The following ERFL variants were observed in gnomAD, a reference collection of about 807,000 sequenced individuals.
The protein encoded by ERFL is ETS repressor factor like, also known as ETS domain-containing transcription factor ERF-like.
A neutral mutation model predicts 27.9 loss-of-function variants in ERFL; 8 were observed. The observed-to-expected ratio is 0.29, with a 90% CI of 0.17 to 0.52. The LOEUF (loss-of-function observed/expected upper bound fraction) is 0.52. Among genes scored for constraint, ERFL ranks in the 20% least tolerant of loss-of-function variants. The pLI is 0.97. For synonymous variants in ERFL, 174 were observed against 202.8 expected (o/e 0.86, Z 1.21); for missense variants, 294 against 444.4 (o/e 0.66, Z 3.04).
intron 1 of ERFL, chr19:41,922,998 A>C: frequency 2.7e-6 from 1 of 375,736 alleles, no homozygotes; most frequent in Admixed American, 3.3e-5. Context: ...AGGGAATGTG[A>C]GGGGCAGCCT....
intron 1 of ERFL, among the ~76,000 whole-genome samples, chr19:41,919,798 C>T (rs1457216988): frequency 6.7e-6 from 1 of 149,314 alleles, no homozygotes; most frequent in African/African-American, 2.6e-5. Context: ...AGATAACTGC[C>T]CCAGGTCCCT....
intron 1 of ERFL, among the ~76,000 whole-genome samples, chr19:41,915,258 C>A (rs2074793885): frequency 6.7e-6 from 1 of 150,334 alleles, no homozygotes; most frequent in African/African-American, 2.5e-5. Flanking sequence ...GCGCTCCGGG[C>A]CCTGCTCCCA....
At position 41,916,207 on chromosome 19, in the gene ERFL, C is replaced by G. The variant is rs1296128130; in HGVS notation, c.-13-3275G>C. On this transcript the variant is annotated intron_variant, in intron 1 of 5. Coordinates refer to ENST00000597630, the MANE Select transcript of ERFL (RefSeq NM_001365103.2). The surrounding 1 kb of genome is among the most constrained non-coding windows in gnomAD (Gnocchi z 5.4). ...CCACCACGTCCCACACAGCACACAT[C>G]GCACAGATGCACACACCAGCACAGC... Among the ~76,000 whole-genome samples the G allele has an allele frequency of 1.3e-5, 2 of 151,870 alleles. No homozygotes were observed. The highest frequency in any genetic ancestry group is 2.9e-5 in the Non-Finnish European group (2 of 67,952).
intron 2 of ERFL, among the ~76,000 whole-genome samples, chr19:41,911,055 T>C (rs1764814338): frequency 6.6e-6 from 1 of 152,070 alleles, no homozygotes; most frequent in South Asian, 2.1e-4. Context: ...AGCACCAAGA[T>C]ATCCATGTCC....
intron 1 of ERFL, among the ~76,000 whole-genome samples, chr19:41,924,571 G>A (rs1172214965): frequency 6.6e-6 from 1 of 151,524 alleles, no homozygotes; most frequent in African/African-American, 2.4e-5. Context: ...GAGGGTAGGT[G>A]TTATGTGGTG....
At chr19:41,927,536 C>G (rs900455330) in intron 1 of ERFL, among the ~76,000 whole-genome samples, 19 of 152,124 alleles carry the variant, frequency 1.2e-4, no homozygotes, top group African/African-American at 4.1e-4. Flanking sequence ...CAGCCCCAGT[C>G]AGCTCCCAAC....
chr19:41,912,906 C>G lies in ERFL; in HGVS notation c.14G>C (p.Cys5Ser). 1 of 1,231,498 alleles carries G rather than the reference C, an allele frequency of 8.1e-7. No homozygotes were observed. Among genetic ancestry groups the G allele is most frequent in the South Asian group, 4.1e-5 (1 of 24,328 alleles). 76.3% of individuals were successfully genotyped at this position (1,231,498 alleles called of 1,614,324 possible). Residue 5 changes from cysteine (C) to serine (S), a missense_variant, in exon 2 of 6, where the codon TGC (cysteine) becomes TCC (serine). This residue lies in a region of ERFL where 38 missense variants were observed against 35.3 expected (regional missense o/e 1.08). Coordinates refer to ENST00000597630, the MANE Select transcript of ERFL (RefSeq NM_001365103.2). ...CGGGGCGAAGAGAAGGTCGGAGACG[C>G]AGCTACAGTCCATGGCGGAGCCGGC... MDCS[C>S]VSDLLFAPPA...
rs1160242026 is a variant in ERFL at position 41,908,879 on chromosome 19, T to C, written c.616+181A>G. 6.9e-6 allele frequency among the ~76,000 whole-genome samples: 1 copy of C among 145,694 alleles called. No homozygotes were observed. The highest frequency in any genetic ancestry group is 2.6e-5 in the African/African-American group (1 of 38,770). ...TTCCTTAGGCACCCCTGAAAGCCCCTGTCTCCCTCATTTCCCCTCCCTCAC... is the reference window on the plus strand; with the variant it reads ...TTCCTTAGGCACCCCTGAAAGCCCCCGTCTCCCTCATTTCCCCTCCCTCAC... On this transcript the variant is annotated intron_variant, in intron 5 of 5. Coordinates refer to ENST00000597630, the MANE Select transcript of ERFL (RefSeq NM_001365103.2). The surrounding 1 kb of genome is among the most constrained non-coding windows in gnomAD (Gnocchi z 6.7).
rs137911544 is a variant in ERFL, at chr19:41,916,417, T to TCA, written c.-13-3487_-13-3486dup. Among the ~76,000 whole-genome samples the TCA allele has an allele frequency of 6.0e-5, 9 of 151,092 alleles. No homozygotes were observed. Among genetic ancestry groups the TCA allele is most frequent in the Non-Finnish European group, 1.2e-4 (8 of 67,720 alleles). On this transcript the variant is annotated intron_variant, in intron 1 of 5. Coordinates refer to ENST00000597630, the MANE Select transcript of ERFL (RefSeq NM_001365103.2). This position sits in a 1 kb window ranked among gnomAD's most constrained non-coding sequence, Gnocchi z 5.4. ...AAGTCACACACCAACACTGTCACAG[T>TCA]CACACACACACACATCAGCATAGTC... is the stretch of plus-strand genomic sequence containing the variant.
At chr19:41,919,631 G>A (rs1317978909) in intron 1 of ERFL, among the ~76,000 whole-genome samples, 1 of 151,966 alleles carries the variant, frequency 6.6e-6, no homozygotes, top group African/African-American at 2.4e-5. Flanking sequence ...CAAACACACA[G>A]CTGGTCTGTG....
rs2074728426 is a variant in ERFL, at chr19:41,908,087, C to T, written c.*141G>A. On this transcript the variant is annotated 3_prime_UTR_variant, in exon 6 of 6. Coordinates refer to ENST00000597630, the MANE Select transcript of ERFL (RefSeq NM_001365103.2). The surrounding 1 kb of genome is among the most constrained non-coding windows in gnomAD (Gnocchi z 6.7). Reference sequence around the variant, plus strand: ...AAGTGAGACCCCCCCCACTCTGGGGCTGGGGAAGGAGACTGGGGCAGCAAT... The same window carrying T: ...AAGTGAGACCCCCCCCACTCTGGGGTTGGGGAAGGAGACTGGGGCAGCAAT... The T allele has an allele frequency of 6.9e-6, 4 of 578,314 alleles. No homozygotes were observed. The highest frequency in any genetic ancestry group is 1.0e-5 in the Non-Finnish European group (4 of 391,424). 35.8% of individuals were successfully genotyped at this position (578,314 alleles called of 1,614,324 possible). A position where few individuals can be genotyped will look rare whatever the true frequency, so the allele number is the denominator to read the frequency against.
chr19:41,908,639 A>C lies in ERFL; in HGVS notation c.654T>G (p.Gly218=). The change falls in exon 6 of 6, where the codon GGT becomes GGG. Residue 218 remains glycine (G), a synonymous_variant. Transcript: ENST00000597630. This position sits in a 1 kb window ranked among gnomAD's most constrained non-coding sequence, Gnocchi z 6.7. ...TSYSKPPGLL[G]PYGRAFPEYP... ...ACTCAGGGAAGGCGCGGCCATAAGG[A>C]CCCAGCAGGCCAGGGGGCTTGGAAT... The C allele has an allele frequency of 1.6e-6, 2 of 1,231,350 alleles. No homozygotes were observed. The highest frequency in any genetic ancestry group is 2.0e-6 in the Non-Finnish European group (2 of 987,946). The allele number at this position is 1,231,350 out of a possible 1,614,324, so 76.3% of individuals were successfully genotyped here.
intron 2 of ERFL, among the ~76,000 whole-genome samples, chr19:41,912,318 A>G (rs2074757450): frequency 6.6e-6 from 1 of 152,126 alleles, no homozygotes; most frequent in African/African-American, 2.4e-5. Context: ...TCTCTCACAC[A>G]CACACACACC....
chr19:41,908,719 C>T lies in ERFL; in HGVS notation c.617-43G>A. On this transcript the variant is annotated intron_variant, in intron 5 of 5. Transcript: ENST00000597630. This position sits in a 1 kb window ranked among gnomAD's most constrained non-coding sequence, Gnocchi z 6.7. ...AGGTCAGGCTGGGGCACCTGCCTGCCTGGGGACCAGTAAAGGGGGCTGCCT... is the reference window on the plus strand; with the variant it reads ...AGGTCAGGCTGGGGCACCTGCCTGCTTGGGGACCAGTAAAGGGGGCTGCCT... The T allele has an allele frequency of 9.0e-7, 1 of 1,107,146 alleles. No homozygotes were observed. The highest frequency in any genetic ancestry group is 4.3e-5 in the Admixed American group (1 of 23,512). 68.6% of individuals were successfully genotyped at this position (1,107,146 alleles called of 1,614,324 possible). A position where few individuals can be genotyped will look rare whatever the true frequency, so the allele number is the denominator to read the frequency against.
rs1312862956 is a variant in ERFL, at chr19:41,909,343, G to A, written c.431C>T (p.Pro144Leu). The change falls in exon 4 of 6, where the codon CCA (proline) becomes CTA (leucine). Residue 144 changes from proline (P) to leucine (L), a missense_variant. Coordinates refer to ENST00000597630, the MANE Select transcript of ERFL (RefSeq NM_001365103.2). The surrounding 1 kb of genome is among the most constrained non-coding windows in gnomAD (Gnocchi z 5.2). ...AAAGGGACTGGGGGTCAGCAAGAGTGGGGAGCCAGTGGCAGCTGCCGCCAT... is the reference window on the plus strand; with the variant it reads ...AAAGGGACTGGGGGTCAGCAAGAGTAGGGAGCCAGTGGCAGCTGCCGCCAT... ...LDMAAAATGSPLLLTPSPFGG... is the reference protein window; with the variant it reads ...LDMAAAATGSLLLLTPSPFGG... 1 of 1,235,914 alleles carries A rather than the reference G, an allele frequency of 8.1e-7. No individual in the cohort carries two copies. The highest frequency in any genetic ancestry group is 1.0e-6 in the Non-Finnish European group (1 of 989,626). The allele number at this position is 1,235,914 out of a possible 1,614,324, so 76.6% of individuals were successfully genotyped here.
Position 41,908,095 on chromosome 19 carries a change from G to A in ERFL, c.*133C>T. ...CCCCCCCCACTCTGGGGCTGGGGAA[G>A]GAGACTGGGGCAGCAATGTGCCCAG... On this transcript the variant is annotated 3_prime_UTR_variant, in exon 6 of 6. Transcript: ENST00000597630. The surrounding 1 kb of genome is among the most constrained non-coding windows in gnomAD (Gnocchi z 6.7). 1.6e-6 allele frequency: 1 copy of A among 639,514 alleles called. No individual in the cohort carries two copies. Among genetic ancestry groups the A allele is most frequent in the Non-Finnish European group, 2.2e-6 (1 of 447,324 alleles). The allele number at this position is 639,514 out of a possible 1,614,324, so 39.6% of individuals were successfully genotyped here.
rs782437181 is a variant in ERFL, at chr19:41,921,079, G to A, written c.-14+6961C>T. On this transcript the variant is annotated intron_variant, in intron 1 of 5. Coordinates refer to ENST00000597630, the MANE Select transcript of ERFL (RefSeq NM_001365103.2). The surrounding 1 kb of genome is among the most constrained non-coding windows in gnomAD (Gnocchi z 4.4). ...GGCGAGGGAGCGTCCCCGGGGAGGT[G>A]GGAGCCGCAGTGCCACGCACCCCGC... Among the ~76,000 whole-genome samples the A allele has an allele frequency of 1.3e-5, 2 of 152,190 alleles. No individual in the cohort carries two copies. The highest frequency in any genetic ancestry group is 4.8e-5 in the African/African-American group (2 of 41,442).
At chr19:41,923,165 A>C (rs1475287944) in intron 1 of ERFL, 12 of 456,332 alleles carry the variant, frequency 2.6e-5, no homozygotes, top group African/African-American at 1.4e-4. Context: ...GTGGAAACTG[A>C]GGTTCTGACA....
At chr19:41,919,536 C>CACACAT (rs1780738568) in intron 1 of ERFL, among the ~76,000 whole-genome samples, 1 of 151,908 alleles carries the variant, frequency 6.6e-6, no homozygotes, top group African/African-American at 2.4e-5. Context: ...CACACACACA[C>CACACAT]GTCCACATCT....
Sources: allele counts gnomAD v4.1 joint callset (sites outside exome capture counted in the v4.1 genomes callset), GRCh38; gene constraint gnomAD v4.1.1; regional missense constraint gnomAD v4.1.1; non-coding constraint Gnocchi (gnomAD v3.1); transcripts MANE v1.5; gene names NCBI Gene and HGNC (gene_info 2026-07-23, HGNC 2026-07-21).